Variants in NCAPD3 observed in about 807,000 individuals in gnomAD.
NCAPD3 encodes non-SMC condensin II complex subunit D3, also known as condensin-2 complex subunit D3.
In NCAPD3, 105 loss-of-function variants were observed where a neutral mutation model predicts 182.9. The ratio of observed to expected loss-of-function variants is 0.57; its 90% CI spans 0.49 to 0.68. The LOEUF is 0.68. NCAPD3 is among the 30% of genes least tolerant of loss of function. The probability of loss-of-function intolerance (pLI) is 0.00; values close to 1 mark genes in which losing one functional copy is unlikely to be tolerated. For missense variants in NCAPD3, 1,944 were observed against 1,837.0 expected (o/e 1.06, Z -1.07); for synonymous variants, 815 against 679.9 (o/e 1.20, Z -3.09).
intron 13 of NCAPD3, among the ~76,000 whole-genome samples, chr11:134,196,141 A>T (rs1034828281): frequency 2.6e-5 from 4 of 152,214 alleles, no homozygotes; most frequent in African/African-American, 9.7e-5. Flanking sequence ...AAATTGCTAA[A>T]ATCAAGAAAG....
intron 27 of NCAPD3, among the ~76,000 whole-genome samples, chr11:134,167,438 T>G (rs867300907): frequency 1.5e-5 from 2 of 131,638 alleles, no homozygotes; most frequent in Non-Finnish European, 3.2e-5. Context: ...AGGCGCACAC[T>G]CGTGAGAGGA....
rs1336355305 is a variant in NCAPD3 at position 134,178,744 on chromosome 11, G to A, written c.2675-3C>T. On this transcript the variant is annotated splice_polypyrimidine_tract_variant and splice_region_variant and intron_variant, in intron 21 of 34. Transcript: ENST00000534548. ...ACTGCTGCCTTGAGATGATGGTGCT[G>A]CAAAGAAGGGAGAGAAAGTTACCGA... 6.2e-7 allele frequency: 1 copy of A among 1,608,492 alleles called. No individual in the cohort carries two copies. Among genetic ancestry groups the A allele is most frequent in the Non-Finnish European group, 8.5e-7 (1 of 1,175,856 alleles).
In NCAPD3 at chr11:134,152,779, A is replaced by G. The variant is rs2120454673; in HGVS notation, c.*165T>C. 1.7e-6 allele frequency: 1 copy of G among 572,770 alleles called. No homozygotes were observed. The highest frequency in any genetic ancestry group is 2.8e-5 in the South Asian group (1 of 35,248). 35.5% of individuals were successfully genotyped at this position (572,770 alleles called of 1,614,324 possible). On this transcript the variant is annotated 3_prime_UTR_variant, in exon 35 of 35. Coordinates refer to ENST00000534548, the MANE Select transcript of NCAPD3 (RefSeq NM_015261.3). ...GACAGTGTTTAACCAAATACATCAT[A>G]CAGAATAGAAGGTGAGTGCCAGGCC...
chr11:134,159,530 G>A (rs575713640), intron 29 of NCAPD3, among the ~76,000 whole-genome samples: 2 of 152,366 alleles, frequency 1.3e-5, no homozygotes, highest in Admixed American at 1.3e-4. Flanking sequence ...GCATTCCTCA[G>A]GACGGTGAGC....
intron 13 of NCAPD3, among the ~76,000 whole-genome samples, chr11:134,199,396 A>G (rs1253290796): frequency 6.6e-6 from 1 of 152,188 alleles, no homozygotes; most frequent in Non-Finnish European, 1.5e-5. Context: ...GCCCAGAGCA[A>G]TTCACAAAAC....
At chr11:134,200,498 TAGG>T (rs1206707866) in intron 13 of NCAPD3, among the ~76,000 whole-genome samples, 3 of 152,146 alleles carry the variant, frequency 2.0e-5, no homozygotes, top group African/African-American at 7.2e-5. Flanking sequence ...CATTAGCCAT[TAGG>T]GAAATGTAAA....
intron 28 of NCAPD3, 80 bp from the exon 29 acceptor site, chr11:134,160,154 C>T (rs1943537561): frequency 2.8e-6 from 4 of 1,452,594 alleles, no homozygotes; most frequent in Non-Finnish European, 3.8e-6. Context: ...CACACCTTCG[C>T]CTGTGTAACA....
At chr11:134,201,452 C>G (rs1297036459) in intron 13 of NCAPD3, among the ~76,000 whole-genome samples, 1 of 152,166 alleles carries the variant, frequency 6.6e-6, no homozygotes, top group Non-Finnish European at 1.5e-5. Context: ...TGGAATTAGT[C>G]TGTACAATCT....
At position 134,202,842 on chromosome 11, in the gene NCAPD3, C is replaced by T. The variant is rs772382160; in HGVS notation, c.1589G>A (p.Ser530Asn). The part of the protein sequence containing the change: ...SEPSGEINID[S>N]SGETVGSGER... ...TCCAGATCCAACTGTTTCACCACTGCTGTCTATGTTGATCTCCCCTGAGGG... is the reference window on the plus strand; with the variant it reads ...TCCAGATCCAACTGTTTCACCACTGTTGTCTATGTTGATCTCCCCTGAGGG... The change falls in exon 13 of 35, where the codon AGC becomes AAC. Residue 530 changes from serine to asparagine, a missense_variant. By Grantham distance (46) the Ser-to-Asn change is conservative. This residue lies in a region of NCAPD3 where 1,803 missense variants were observed against 1,674.6 expected (regional missense o/e 1.08). Transcript: ENST00000534548. 1.4e-4 allele frequency: 221 copies of T among 1,608,534 alleles called. No individual in the cohort carries two copies. The highest frequency in any genetic ancestry group is 1.8e-4 in the Non-Finnish European group (209 of 1,178,508).
At position 134,168,010 on chromosome 11, in the gene NCAPD3, T is replaced by G. The variant is rs776590436; in HGVS notation, c.3559A>C (p.Lys1187Gln). ...AACACACTCACTTGTGAGATGAGCT[T>G]CTTCTGAGCTTCCTGCATGACTACA... ...ANVVMQEAQK[K>Q]LISQVQKRNF... The change falls in exon 27 of 35, where the codon AAG (lysine) becomes CAG (glutamine). Residue 1187 changes from lysine (K) to glutamine (Q), a missense_variant. Lys to Gln is a moderately conservative substitution (Grantham distance 53). Coordinates refer to ENST00000534548, the MANE Select transcript of NCAPD3 (RefSeq NM_015261.3). 40 of 1,613,820 alleles carry G rather than the reference T, an allele frequency of 2.5e-5. No individual in the cohort carries two copies. The Middle Eastern group carries it at 6.6e-4, about 27-fold the overall frequency.
At chr11:134,169,517 T>C (rs1226525477) in intron 24 of NCAPD3, among the ~76,000 whole-genome samples, 2 of 152,238 alleles carry the variant, frequency 1.3e-5, no homozygotes, top group Non-Finnish European at 2.9e-5. Context: ...CTGGAACTTT[T>C]TTCAAGAATA....
intron 13 of NCAPD3, among the ~76,000 whole-genome samples, chr11:134,195,585 T>C (rs565020426): frequency 1.7e-4 from 26 of 152,174 alleles, no homozygotes; most frequent in African/African-American, 6.0e-4. Context: ...ACAAATAAAC[T>C]AAAAATAGTG....
intron 27 of NCAPD3, among the ~76,000 whole-genome samples, chr11:134,165,040 G>A (rs1943724407): frequency 6.7e-6 from 1 of 148,530 alleles, no homozygotes; most frequent in South Asian, 2.1e-4. Context: ...GCTTAGAGGA[G>A]CTGCACACAC....
chr11:134,163,373 C>T (rs558153805), intron 27 of NCAPD3, among the ~76,000 whole-genome samples: 1 of 152,222 alleles, frequency 6.6e-6, no homozygotes, highest in South Asian at 2.1e-4. Flanking sequence ...TAGTCTGTTT[C>T]AGATATAATA....
At chr11:134,166,326 GCACA>G (rs1943796336) in intron 27 of NCAPD3, among the ~76,000 whole-genome samples, 1 of 15,150 alleles carries the variant, frequency 6.6e-5, no homozygotes, top group Admixed American at 4.3e-4. Context: ...GCTTGGAGAG[GCACA>G]CTCACTAGTG....
chr11:134,193,876 C>T, intron 15 of NCAPD3, 140 bp downstream of exon 15: 1 of 738,770 alleles, frequency 1.4e-6, no homozygotes, highest in South Asian at 2.6e-5. Flanking sequence ...AATACCTCCT[C>T]CCTTACATTG....
chr11:134,176,798 G>A (rs148447325), intron 23 of NCAPD3, among the ~76,000 whole-genome samples: 205 of 152,234 alleles, frequency 1.3e-3, no homozygotes, highest in African/African-American at 4.3e-3. Flanking sequence ...AGGTTTTTCC[G>A]CACACGGAAA....
intron 15 of NCAPD3, among the ~76,000 whole-genome samples, chr11:134,193,685 A>G (rs1056638133): frequency 3.3e-5 from 5 of 152,214 alleles, no homozygotes; most frequent in African/African-American, 1.2e-4. Context: ...CCTGAGAGGC[A>G]GAAGTTGCAG....
Position 134,203,689 on chromosome 11 carries a change from CT to C in NCAPD3, c.1432del (p.Ser478ValfsTer10). 3.1e-6 allele frequency: 5 copies of C among 1,613,984 alleles called. No individual in the cohort carries two copies. The highest frequency in any genetic ancestry group is 4.2e-6 in the Non-Finnish European group (5 of 1,180,046). Reference protein sequence around the residue: ...FAHCLELTVTSASESILELLI... With the variant: ...FAHCLELTVTXASESILELLI... ...GAGCTCCAGGATACTCTCCGACGCACTGGTAACAGTCAACTCCAGACAGTGT... is the reference window on the plus strand; with the variant it reads ...GAGCTCCAGGATACTCTCCGACGCACGGTAACAGTCAACTCCAGACAGTGT... On this transcript the variant is annotated frameshift_variant, in exon 11 of 35. Transcript: ENST00000534548. LOFTEE classifies it high-confidence loss of function.
Sources: gnomAD v4.1 joint callset for allele counts (sites outside exome capture counted in the v4.1 genomes callset) on GRCh38, gnomAD v4.1.1 for gene constraint, gnomAD v4.1.1 regional missense constraint, MANE v1.5 for transcripts, NCBI Gene and HGNC (gene_info 2026-07-23, HGNC 2026-07-21) for gene names.